Variants in METAP1D observed in about 807,000 individuals in gnomAD.
METAP1D encodes methionyl aminopeptidase type 1D, mitochondrial.
In METAP1D, 31 loss-of-function variants were observed where a neutral mutation model predicts 40.5. The observed-to-expected ratio is 0.77, with a 90% CI of 0.58 to 1.03. METAP1D has a LOEUF of 1.03. METAP1D is among the 50% of genes least tolerant of loss of function. The probability of loss-of-function intolerance (pLI) is 0.00; values close to 1 mark genes in which losing one functional copy is unlikely to be tolerated. For missense variants in METAP1D, 411 were observed against 420.7 expected, an observed-to-expected ratio of 0.98 and a Z score of 0.20; for synonymous variants, 151 against 146.4, an observed-to-expected ratio of 1.03 and a Z score of -0.22.
In METAP1D at chr2:172,081,197, G is replaced by A. The variant is rs1439914463; in HGVS notation, c.*791G>A. 7.3e-6 allele frequency: 1 copy of A among 136,086 alleles called. No homozygotes were observed. The allele number at this position is 136,086 out of a possible 1,614,324, so 8.4% of individuals were successfully genotyped here. A position where few individuals can be genotyped will look rare whatever the true frequency, so the allele number is the denominator to read the frequency against. On this transcript the variant is annotated 3_prime_UTR_variant, in exon 10 of 10. Transcript: ENST00000315796. The stretch of plus-strand genomic sequence containing the variant: ...ACCCACCCCACACGCACGCACGCAC[G>A]CTAGACCGTTTGCTGCACTAGGAAT...
At position 172,054,521 on chromosome 2, in the gene METAP1D, AAAAT is replaced by A. The variant is rs56060951; in HGVS notation, c.41-6953_41-6950del. 7.4e-5 allele frequency among the ~76,000 whole-genome samples: 11 copies of A among 149,340 alleles called. 1 individual carries two copies. The Middle Eastern group carries it at 0.01, about 140-fold the overall frequency. On this transcript the variant is annotated intron_variant, in intron 1 of 9. Transcript: ENST00000315796. ...TGACAGAGCAAGAAGACTCTGTCTC[AAAAT>A]AAATAAATAAATAAATAAATAAAAT...
chr2:172,028,542 CTGTGTGTGTGTGTGTGTGTGTGTGTGTG>C (rs10529698), intron 1 of METAP1D, among the ~76,000 whole-genome samples: 1,753 of 141,404 alleles, frequency 0.012, 45 homozygotes, highest in African/African-American at 0.044. Context: ...GTATGTGTGT[CTGTGTGTGTGTGTGTGTGTGTGTGTGTG>C]TGTGTGTGTG....
chr2:172,066,035 G>A lies in METAP1D; in HGVS notation c.498-229G>A, dbSNP rs1295815218. The stretch of plus-strand genomic sequence containing the variant: ...ATATAAGTGGTAAAATTCAAATGTG[G>A]CAAATTTTTCTTATCAACTCTTGTT... On this transcript the variant is annotated intron_variant, in intron 4 of 9. Transcript: ENST00000315796. Among the ~76,000 whole-genome samples, 1 of 152,092 alleles carries A rather than the reference G, an allele frequency of 6.6e-6. No homozygotes were observed. Among genetic ancestry groups the A allele is most frequent in the Non-Finnish European group, 1.5e-5 (1 of 68,004 alleles).
intron 1 of METAP1D, among the ~76,000 whole-genome samples, chr2:172,051,271 T>A (rs1689879307): frequency 6.6e-6 from 1 of 152,130 alleles, no homozygotes; most frequent in Non-Finnish European, 1.5e-5. Flanking sequence ...GAATTTTTTT[T>A]CCTAGACTCA....
intron 1 of METAP1D, among the ~76,000 whole-genome samples, chr2:172,001,382 T>C (rs1688457090): frequency 1.3e-5 from 2 of 151,612 alleles, no homozygotes; most frequent in African/African-American, 2.4e-5. Flanking sequence ...TCTACTAATA[T>C]ACACAATTAG....
chr2:172,042,941 G>A (rs1402284639), intron 1 of METAP1D, among the ~76,000 whole-genome samples: 2 of 126,912 alleles, frequency 1.6e-5, no homozygotes, highest in South Asian at 2.5e-4. Context: ...GTGTATACAC[G>A]TATGCGTACC....
intron 1 of METAP1D, among the ~76,000 whole-genome samples, chr2:172,053,119 C>T (rs1689922309): frequency 1.3e-5 from 2 of 152,174 alleles, no homozygotes; most frequent in South Asian, 4.1e-4. Flanking sequence ...TCTTTAGCAA[C>T]ATTTGTACAA....
intron 1 of METAP1D, among the ~76,000 whole-genome samples, chr2:172,058,158 C>T (rs1029408427): frequency 2.6e-5 from 4 of 151,874 alleles, no homozygotes; most frequent in African/African-American, 9.7e-5. Flanking sequence ...CAAGCCACCA[C>T]ATCTGGCTAA....
Position 172,057,568 on chromosome 2 carries a change from C to T in METAP1D, c.41-3930C>T, listed in dbSNP as rs1265045916. On this transcript the variant is annotated intron_variant, in intron 1 of 9. Transcript: ENST00000315796. ...TGGGTGGATTAGGCCAACCCATCAC[C>T]ACTTTTGGAAAAATAATAGTAGTAG... Among the ~76,000 whole-genome samples the T allele has an allele frequency of 1.5e-4, 23 of 152,186 alleles. 1 individual carries two copies. The highest frequency in any genetic ancestry group is 1.5e-3 in the Admixed American group (23 of 15,284).
chr2:172,010,357 G>A (rs533948911), intron 1 of METAP1D, among the ~76,000 whole-genome samples: 19 of 150,732 alleles, frequency 1.3e-4, no homozygotes, highest in African/African-American at 3.4e-4. Flanking sequence ...GCCCAGGCTG[G>A]CTTTGAACTC....
At chr2:172,042,250 T>C (rs368384702) in intron 1 of METAP1D, among the ~76,000 whole-genome samples, 481 of 5,814 alleles carry the variant, frequency 0.083, 12 homozygotes, top group East Asian at 0.18. Context: ...TATGTGTACA[T>C]GTGTACACAT....
chr2:172,065,624 G>A lies in METAP1D; in HGVS notation c.369G>A (p.Glu123=). 1 of 1,613,764 alleles carries A rather than the reference G, an allele frequency of 6.2e-7. No homozygotes were observed. Residue 123 remains glutamate, a synonymous_variant, in exon 4 of 10, where the codon GAG becomes GAA. Transcript: ENST00000315796. The part of the protein sequence containing the change: ...KSLKVDMTTE[E]IDALVHREII... ...TTTAGGTTGACATGACAACTGAAGA[G>A]ATAGATGCTCTTGTTCATCGGGAAA... is the stretch of plus-strand genomic sequence containing the variant.
rs539880339 is a variant in METAP1D, at chr2:172,048,648, C to A, written c.41-12850C>A. ...ACACTGTTTCCTTCTTTTTTACCCC[C>A]AAATTGACTATACCTTATTAGGCAT... On this transcript the variant is annotated intron_variant, in intron 1 of 9. Coordinates refer to ENST00000315796, the MANE Select transcript of METAP1D (RefSeq NM_199227.3). Among the ~76,000 whole-genome samples, 5 of 152,292 alleles carry A rather than the reference C, an allele frequency of 3.3e-5. No individual in the cohort carries two copies. In the East Asian group the frequency reaches 9.6e-4, roughly 29 times the overall value.
In METAP1D at chr2:172,043,055, A is replaced by G. The variant is rs1340059409; in HGVS notation, c.41-18443A>G. On this transcript the variant is annotated intron_variant, in intron 1 of 9. Transcript: ENST00000315796. ...TATATGTGTACACGTGTACACATAT[A>G]TGTGTATATATATACGTGTGTGTGT... Among the ~76,000 whole-genome samples the G allele has an allele frequency of 1.7e-5, 2 of 117,536 alleles. 1 individual carries two copies. The highest frequency in any genetic ancestry group is 4.0e-5 in the Non-Finnish European group (2 of 49,920). 77.1% of individuals were successfully genotyped at this position (117,536 alleles called of 152,430 possible).
rs1040212957 is a variant in METAP1D, at chr2:172,079,235, A to G, written c.823A>G (p.Met275Val). 9.3e-6 allele frequency: 15 copies of G among 1,613,556 alleles called. No homozygotes were observed. The African/African-American group carries it at 9.4e-5, about 10-fold the overall frequency. ...WHHANDSDLP[M>V]EEGMAFTIEP... Reference sequence around the variant, plus strand: ...TGCAGCAAACGACAGTGATCTACCCATGGAGGAGGGCATGGCATTCACTAT... The same window carrying G: ...TGCAGCAAACGACAGTGATCTACCCGTGGAGGAGGGCATGGCATTCACTAT... Residue 275 changes from methionine to valine, a missense_variant, in exon 8 of 10, where the codon ATG becomes GTG. Transcript: ENST00000315796.
intron 1 of METAP1D, among the ~76,000 whole-genome samples, chr2:172,010,525 A>G (rs1574087967): frequency 9.7e-6 from 1 of 102,984 alleles, no homozygotes; most frequent in African/African-American, 3.9e-5. Flanking sequence ...ACAGAATCTC[A>G]CTCTGTCACG....
At chr2:172,031,620 A>G (rs758796744) in intron 1 of METAP1D, among the ~76,000 whole-genome samples, 2 of 152,230 alleles carry the variant, frequency 1.3e-5, no homozygotes, top group Non-Finnish European at 2.9e-5. Context: ...TCCTGCACAG[A>G]CTTGGAGTAG....
At chr2:172,034,955 A>G (rs953709411) in intron 1 of METAP1D, among the ~76,000 whole-genome samples, 1 of 150,760 alleles carries the variant, frequency 6.6e-6, no homozygotes, top group Non-Finnish European at 1.5e-5. Flanking sequence ...CCTTCAAAAT[A>G]TAGAGAAACC....
At chr2:172,054,521 A>AAAAT (rs56060951) in intron 1 of METAP1D, among the ~76,000 whole-genome samples, 27,003 of 149,250 alleles carry the variant, frequency 0.18, 2,709 homozygotes, top group Non-Finnish European at 0.23. Context: ...ACTCTGTCTC[A>AAAAT]AAATAAATAA....
Sources: gnomAD v4.1 joint callset for allele counts (sites outside exome capture counted in the v4.1 genomes callset) on GRCh38, gnomAD v4.1.1 for gene constraint, MANE v1.5 for transcripts, NCBI Gene and HGNC (gene_info 2026-07-23, HGNC 2026-07-21) for gene names.